COL6A6: variants seen among roughly 807,000 people sequenced by gnomAD.
COL6A6 encodes collagen type VI alpha 6 chain.
A neutral mutation model predicts 208.6 loss-of-function variants in COL6A6; 183 were observed. The observed-to-expected ratio is 0.88, with a 90% confidence interval of 0.78 to 0.99. The LOEUF (loss-of-function observed/expected upper bound fraction) is 0.99. COL6A6 is among the 50% of genes least tolerant of loss of function. COL6A6 has a pLI of 0.00. For synonymous variants in COL6A6, 973 were observed against 1,011.8 expected (o/e 0.96, Z 0.73); for missense variants, 2,816 against 2,815.2 (o/e 1.00, Z -0.01).
At chr3:130,609,392 G>A (rs1024735305) in intron 22 of COL6A6, among the ~76,000 whole-genome samples, 3 of 152,218 alleles carry the variant, frequency 2.0e-5, no homozygotes, top group African/African-American at 7.2e-5. Flanking sequence ...GGAGACATCA[G>A]TGGGGTTATC....
chr3:130,539,779 A>G (rs908019280), intron 1 of COL6A6, among the ~76,000 whole-genome samples: 4 of 152,224 alleles, frequency 2.6e-5, no homozygotes, highest in Admixed American at 2.6e-4. Context: ...AAAACTTATT[A>G]CAGATGACCA....
At position 130,620,804 on chromosome 3, in the gene COL6A6, C is replaced by T. The variant is rs184603445; in HGVS notation, c.4816-1017C>T. 4.1e-3 allele frequency among the ~76,000 whole-genome samples: 626 copies of T among 152,238 alleles called. 3 individuals are homozygous for T. The highest frequency in any genetic ancestry group is 6.7e-3 in the Non-Finnish European group (458 of 68,010). On this transcript the variant is annotated intron_variant, in intron 23 of 36. Transcript: ENST00000358511. ...AAATTTGCAAGTGTCATGCTCATTA[C>T]GCAAAGGCTGGTTTATTTACTTTTA...
chr3:130,551,141 G>T (rs1577676693), intron 1 of COL6A6, among the ~76,000 whole-genome samples: 3 of 150,590 alleles, frequency 2.0e-5, no homozygotes, highest in Non-Finnish European at 4.4e-5. Context: ...CTGTGTGTGT[G>T]TATGTCTTTC....
intron 1 of COL6A6, among the ~76,000 whole-genome samples, chr3:130,542,284 C>T (rs550812348): frequency 1.3e-5 from 2 of 151,032 alleles, no homozygotes; most frequent in South Asian, 2.1e-4. Context: ...TTTTCTTCTA[C>T]TCATTTTATT....
intron 7 of COL6A6, 130 bp downstream of exon 7, chr3:130,571,523 T>C: frequency 1.6e-6 from 1 of 625,820 alleles, no homozygotes; most frequent in Non-Finnish European, 2.7e-6. Flanking sequence ...TCATAGGACT[T>C]TCTATATTAT....
intron 26 of COL6A6, among the ~76,000 whole-genome samples, chr3:130,627,765 T>C (rs2064936046): frequency 6.6e-6 from 1 of 152,168 alleles, no homozygotes; most frequent in East Asian, 1.9e-4. Context: ...TTTCTAAATG[T>C]ACTGGCCCAA....
Position 130,574,169 on chromosome 3 carries a change from C to T in COL6A6, c.3191C>T (p.Ser1064Leu). 6.2e-7 allele frequency: 1 copy of T among 1,613,986 alleles called. No individual in the cohort carries two copies. Among genetic ancestry groups the T allele is most frequent in the Non-Finnish European group, 8.5e-7 (1 of 1,179,876 alleles). The change falls in exon 8 of 37, where the codon TCA (serine) becomes TTA (leucine). Residue 1064 changes from serine (S) to leucine (L), a missense_variant. Ser to Leu is a moderately radical substitution (Grantham distance 145). Coordinates refer to ENST00000358511, the MANE Select transcript of COL6A6 (RefSeq NM_001102608.3). ...ACTTTCATAGGTGAAAAAGAGATAT[C>T]ATTTCAGATTGAAAACATCAAGCAG... ...LGTFIGEKEI[S>L]FQIENIKQIF... is the part of the protein sequence containing the mutation.
Position 130,565,605 on chromosome 3 carries a change from C to G in COL6A6, c.1273C>G (p.Leu425Val). The change falls in exon 4 of 37, where the codon CTC (leucine) becomes GTC (valine). Residue 425 changes from leucine (L) to valine (V), a missense_variant. Physicochemically the swap from Leu to Val is conservative, Grantham distance 32. Coordinates refer to ENST00000358511, the MANE Select transcript of COL6A6 (RefSeq NM_001102608.3). The stretch of plus-strand genomic sequence containing the variant: ...TGTCTTTTCAGAGAGGACTGAAACG[C>G]TCAAATCTGGTAAGGTCTTCTGCTG... ...VSVFSERTET[L>V]KSGCVDTEEA... 1 of 1,610,200 alleles carries G rather than the reference C, an allele frequency of 6.2e-7. No homozygotes were observed. The highest frequency in any genetic ancestry group is 8.5e-7 in the Non-Finnish European group (1 of 1,178,184).
intron 23 of COL6A6, among the ~76,000 whole-genome samples, chr3:130,612,924 C>T (rs1197035146): frequency 6.6e-6 from 1 of 152,176 alleles, no homozygotes; most frequent in Non-Finnish European, 1.5e-5. Context: ...AGATATCAGA[C>T]ATTTGTTGGA....
At position 130,574,006 on chromosome 3, in the gene COL6A6, A is replaced by T. The variant is rs1321813374; in HGVS notation, c.3028A>T (p.Ser1010Cys). ...DLVFLMDGSTSIQPNDFKKMK... is the reference protein window; with the variant it reads ...DLVFLMDGSTCIQPNDFKKMK... ...TGTTTTCCTTATGGATGGTTCAACT[A>T]GCATTCAGCCAAATGACTTCAAGAA... Residue 1010 changes from serine to cysteine, a missense_variant, in exon 8 of 37, where the codon AGC becomes TGC. By Grantham distance (112) the Ser-to-Cys change is moderately radical (BLOSUM62 -1). Transcript: ENST00000358511. The T allele has an allele frequency of 1.9e-6, 3 of 1,613,762 alleles. No homozygotes were observed.
At chr3:130,590,329 T>TA (rs2063672597) in intron 12 of COL6A6, among the ~76,000 whole-genome samples, 3 of 112,404 alleles carry the variant, frequency 2.7e-5, no homozygotes, top group Non-Finnish European at 3.6e-5. Flanking sequence ...TTTTTTTTTT[T>TA]ACTATAAGTT....
rs185118294 is a variant in COL6A6, at chr3:130,606,895, C to T, written c.4654-36C>T. The T allele has an allele frequency of 6.9e-5, 109 of 1,574,194 alleles. 1 individual carries two copies. In the African/African-American group the frequency reaches 1.4e-3, roughly 20 times the overall value. On this transcript the variant is annotated intron_variant, in intron 20 of 36. Transcript: ENST00000358511. ...AAATCATATATAAAAAGCATTTTTT[C>T]TGAATTAATGATATCCACCTTTTCT...
Position 130,546,092 on chromosome 3 carries a change from T to C in COL6A6, c.-31-14242T>C, listed in dbSNP as rs1577661618. ...ATCTCAGACATTCATTCCTCAGTCA[T>C]GTTGTGTCCAAAATTCATGGGTTCT... On this transcript the variant is annotated intron_variant, in intron 1 of 36. Coordinates refer to ENST00000358511, the MANE Select transcript of COL6A6 (RefSeq NM_001102608.3). Among the ~76,000 whole-genome samples the C allele has an allele frequency of 5.9e-5, 9 of 152,296 alleles. No individual in the cohort carries two copies. In the South Asian group the frequency reaches 1.9e-3, roughly 32 times the overall value.
intron 1 of COL6A6, among the ~76,000 whole-genome samples, chr3:130,555,819 A>C (rs1276415284): frequency 6.6e-6 from 1 of 152,034 alleles, no homozygotes; most frequent in African/African-American, 2.4e-5. Context: ...CGTTACATTT[A>C]TGTATTTCTT....
chr3:130,670,107 T>G (rs980218189), intron 36 of COL6A6, among the ~76,000 whole-genome samples: 2 of 152,212 alleles, frequency 1.3e-5, no homozygotes, highest in African/African-American at 2.4e-5. Flanking sequence ...AGGTGAGCTG[T>G]CCAGGGAAAC....
At position 130,593,972 on chromosome 3, in the gene COL6A6, C is replaced by G. The variant is rs566625911; in HGVS notation, c.4471-309C>G. Among the ~76,000 whole-genome samples, 144 of 152,252 alleles carry G rather than the reference C, an allele frequency of 9.5e-4. 2 individuals carry two copies. The South Asian group carries it at 0.012, about 13-fold the overall frequency. ...ATCTTGGGCAAAGTGCATATTCTTT[C>G]TGAATCTCAGTTGCCTTATAAAAGA... On this transcript the variant is annotated intron_variant, in intron 17 of 36. Transcript: ENST00000358511.
chr3:130,536,576 G>A (rs1384577542), intron 1 of COL6A6, among the ~76,000 whole-genome samples: 3 of 152,146 alleles, frequency 2.0e-5, no homozygotes, highest in African/African-American at 7.2e-5. Context: ...CTAACCAAAC[G>A]TCCCTTTAAG....
intron 1 of COL6A6, among the ~76,000 whole-genome samples, chr3:130,545,964 A>G (rs1577661330): frequency 1.3e-5 from 2 of 152,010 alleles, no homozygotes; most frequent in East Asian, 3.8e-4. Context: ...CATTTTGCAC[A>G]TATTATATCT....
At chr3:130,659,419 T>G (rs1253598406) in intron 34 of COL6A6, among the ~76,000 whole-genome samples, 1 of 152,236 alleles carries the variant, frequency 6.6e-6, no homozygotes, top group Non-Finnish European at 1.5e-5. Flanking sequence ...AGCTAAGAGA[T>G]ATAAAGCATT....
Sources: allele counts gnomAD v4.1 joint callset (sites outside exome capture counted in the v4.1 genomes callset), GRCh38; gene constraint gnomAD v4.1.1; transcripts MANE v1.5; gene names NCBI Gene and HGNC (gene_info 2026-07-23, HGNC 2026-07-21).